The following CCDC194 variants were observed in gnomAD, a reference collection of about 807,000 sequenced individuals.
CCDC194 encodes coiled-coil domain-containing protein 194.
A neutral mutation model predicts 4.9 loss-of-function variants in CCDC194; 8 were observed. The observed-to-expected ratio is 1.65, with a 90% CI of 0.97 to 2.97. CCDC194 has a LOEUF of 2.97. CCDC194 is among the 30% of genes most tolerant of loss of function. The pLI is 0.00. For missense variants in CCDC194, 52 were observed against 43.1 expected (o/e 1.21, Z -0.58); for synonymous variants, 13 against 17.0 (o/e 0.76, Z 0.58).
intron 1 of CCDC194, chr19:17,392,183 A>C (rs573780280): frequency 5.0e-6 from 1 of 199,344 alleles, no homozygotes; most frequent in Non-Finnish European, 1.0e-5. Flanking sequence ...TTTCAAACCA[A>C]CAAAGTTAGC....
downstream of CCDC194, among the ~76,000 whole-genome samples, chr19:17,389,705 C>T (rs2074647264): frequency 2.0e-5 from 3 of 152,204 alleles, no homozygotes; most frequent in South Asian, 6.2e-4. Context: ...GTGGCTCACA[C>T]CTGTAATCCC....
intron 1 of CCDC194, among the ~76,000 whole-genome samples, chr19:17,393,376 C>CTTTT (rs551933814): frequency 3.5e-5 from 4 of 115,432 alleles, no homozygotes; most frequent in East Asian, 5.7e-4. Flanking sequence ...GACAGTGAGA[C>CTTTT]TTTTTTTTTT....
chr19:17,394,108 C>A, exon 1 of CCDC194: 1 of 393,238 alleles, frequency 2.5e-6, no homozygotes, highest in Non-Finnish European at 4.5e-6. Context: ...CCACCCCGCA[C>A]AGGGCGAGCA....
intron 1 of CCDC194, among the ~76,000 whole-genome samples, chr19:17,393,412 G>A (rs1280485612): frequency 2.6e-5 from 3 of 115,464 alleles, no homozygotes; most frequent in African/African-American, 1.0e-4. Context: ...TTTTTCAGAT[G>A]GAGTCTCGCT....
downstream of CCDC194, among the ~76,000 whole-genome samples, chr19:17,388,292 T>C (rs2074642940): frequency 6.8e-6 from 1 of 147,020 alleles, no homozygotes; most frequent in Admixed American, 6.8e-5. Context: ...TTCCACCTCC[T>C]GGGCTTAAGT....
chr19:17,391,752 G>T, exon 2 of CCDC194: 1 of 1,535,684 alleles, frequency 6.5e-7, no homozygotes, highest in South Asian at 1.2e-5. Context: ...CAACGCACCT[G>T]TCAGCGCCCC....
At chr19:17,391,288 C>T (rs963253510) in exon 3 of CCDC194, 32 of 421,720 alleles carry the variant, frequency 7.6e-5, no homozygotes, top group Non-Finnish European at 5.0e-5. Context: ...GCCGCAGAGC[C>T]TCGTCCAGCC....
intron 2 of CCDC194, 44 bp downstream of exon 2, chr19:17,391,706 C>T: frequency 2.0e-6 from 3 of 1,535,632 alleles, no homozygotes; most frequent in Admixed American, 2.0e-5. Flanking sequence ...CACCTAGGCT[C>T]CTCCCACTTC....
chr19:17,390,077 C>T (rs557396509), downstream of CCDC194, among the ~76,000 whole-genome samples: 1 of 152,186 alleles, frequency 6.6e-6, no homozygotes. This position sits in a 1 kb window ranked among gnomAD's most constrained non-coding sequence, Gnocchi z 5.5. Flanking sequence ...ATTGTGCCAC[C>T]TTTGTCAGCT....
In CCDC194 at chr19:17,390,626, G is replaced by A; in HGVS notation, c.588C>T (p.Arg196=). The A allele has an allele frequency of 2.5e-6, 1 of 398,040 alleles. No individual in the cohort carries two copies. 24.7% of individuals were successfully genotyped at this position (398,040 alleles called of 1,614,324 possible). Residue 196 remains arginine, a synonymous_variant, in exon 4 of 4, where the codon CGC becomes CGT. Coordinates refer to ENST00000636079, the Ensembl canonical transcript of CCDC194. This position sits in a 1 kb window ranked among gnomAD's most constrained non-coding sequence, Gnocchi z 5.5. ...AGCGGGGACGCGGCCGGGGCACTCT[G>A]CGCTGTGGGCTCATCTCGGCTTCCA...
downstream of CCDC194, among the ~76,000 whole-genome samples, chr19:17,389,633 G>A (rs558324481): frequency 1.3e-5 from 2 of 152,112 alleles, no homozygotes; most frequent in Non-Finnish European, 2.9e-5. Flanking sequence ...TTGAACCATT[G>A]CTCTGTCTCA....
At chr19:17,392,907 C>A (rs146651265) in intron 1 of CCDC194, among the ~76,000 whole-genome samples, 3 of 152,262 alleles carry the variant, frequency 2.0e-5, no homozygotes, top group Admixed American at 6.5e-5. Flanking sequence ...GTCTCGAACT[C>A]TTGACCTCAA....
downstream of CCDC194, among the ~76,000 whole-genome samples, chr19:17,388,358 C>A (rs1034652519): frequency 3.9e-5 from 6 of 151,996 alleles, no homozygotes; most frequent in Admixed American, 6.6e-5. Context: ...TGCCACCAAG[C>A]CTGGCTACTT....
At chr19:17,393,794 A>G in intron 1 of CCDC194, 41 bp downstream of exon 1, 1 of 394,264 alleles carries the variant, frequency 2.5e-6, no homozygotes, top group Non-Finnish European at 4.5e-6. Context: ...TTATCTCAAC[A>G]TTCTGGATTC....
exon 3 of CCDC194, chr19:17,391,322 G>A (rs982138706): frequency 5.6e-4 from 238 of 425,122 alleles, no homozygotes; most frequent in Non-Finnish European, 5.5e-4. Context: ...CGTGGCCGCC[G>A]CCTCCCAGCG....
chr19:17,388,664 G>T (rs2074644132), downstream of CCDC194, among the ~76,000 whole-genome samples: 1 of 149,734 alleles, frequency 6.7e-6, no homozygotes, highest in South Asian at 2.1e-4. Flanking sequence ...GCCTCCCAAA[G>T]AATTTTGAAA....
At chr19:17,393,064 G>A (rs2074660825) in intron 1 of CCDC194, among the ~76,000 whole-genome samples, 1 of 152,182 alleles carries the variant, frequency 6.6e-6, no homozygotes, top group Non-Finnish European at 1.5e-5. Flanking sequence ...GTGCACAGAG[G>A]TATACAGTAG....
chr19:17,391,276 G>A (rs1004718661), exon 3 of CCDC194: 18 of 410,192 alleles, frequency 4.4e-5, no homozygotes, highest in Middle Eastern at 6.0e-4. Flanking sequence ...CCACGCCTGC[G>A]CGCCGCAGAG....
intron 1 of CCDC194, 130 bp downstream of exon 1, chr19:17,393,705 C>T: frequency 2.6e-6 from 1 of 390,494 alleles, no homozygotes; most frequent in African/African-American, 2.1e-5. Flanking sequence ...GCGCTATTCT[C>T]AATACCCTCT....
Sources: allele counts gnomAD v4.1 joint callset (sites outside exome capture counted in the v4.1 genomes callset), GRCh38; gene constraint gnomAD v4.1.1; non-coding constraint Gnocchi (gnomAD v3.1); transcripts MANE v1.5; gene names NCBI Gene and HGNC (gene_info 2026-07-23, HGNC 2026-07-21).